Variants in XRCC4 observed in about 807,000 individuals in gnomAD.
XRCC4 encodes the protein X-ray repair cross complementing 4, also known as DNA repair protein XRCC4.
XRCC4 carries 28 observed loss-of-function variants against 39.1 expected under a neutral mutation model. The ratio of observed to expected loss-of-function variants is 0.72; its 90% confidence interval spans 0.53 to 0.98. XRCC4 has a LOEUF of 0.98. XRCC4 is among the 50% of genes least tolerant of loss of function. The pLI is 0.00. For synonymous variants in XRCC4, 123 were observed against 126.4 expected (o/e 0.97, Z 0.18); for missense variants, 350 against 376.4 (o/e 0.93, Z 0.58).
chr5:83,305,970 G>A (rs1755469069), intron 7 of XRCC4, among the ~76,000 whole-genome samples: 1 of 152,162 alleles, frequency 6.6e-6, no homozygotes, highest in South Asian at 2.1e-4. Flanking sequence ...GTTACATTTT[G>A]ATCTGCAGCT....
chr5:83,328,921 G>C (rs1360155706), intron 7 of XRCC4, among the ~76,000 whole-genome samples: 1 of 151,918 alleles, frequency 6.6e-6, no homozygotes, highest in East Asian at 1.9e-4. Flanking sequence ...TGACAATTGA[G>C]TTTTTTATTT....
intron 3 of XRCC4, among the ~76,000 whole-genome samples, chr5:83,141,021 C>T (rs6452527): frequency 0.48 from 73,646 of 152,022 alleles, 18,796 homozygotes; most frequent in African/African-American, 0.63. Context: ...TGAGTATGCA[C>T]ATTTTCTTAT....
intron 1 of XRCC4, among the ~76,000 whole-genome samples, chr5:83,091,923 T>C (rs1280657079): frequency 6.6e-6 from 1 of 152,228 alleles, no homozygotes; most frequent in Non-Finnish European, 1.5e-5. Flanking sequence ...TTTTAGTTTT[T>C]TGAGGATCCT....
At chr5:83,273,934 C>T (rs1362312468) in intron 7 of XRCC4, among the ~76,000 whole-genome samples, 1 of 151,752 alleles carries the variant, frequency 6.6e-6, no homozygotes, top group Non-Finnish European at 1.5e-5. Context: ...GCCGTTACAC[C>T]TTTTATTCCT....
intron 6 of XRCC4, among the ~76,000 whole-genome samples, chr5:83,226,459 T>C (rs1752295107): frequency 6.6e-6 from 1 of 152,086 alleles, no homozygotes; most frequent in Non-Finnish European, 1.5e-5. Context: ...AGTGCTTGTG[T>C]GCCCAAATAA....
chr5:83,297,424 A>G (rs2112990999), intron 7 of XRCC4, among the ~76,000 whole-genome samples: 1 of 152,066 alleles, frequency 6.6e-6, no homozygotes. Context: ...TTTGTTTAGT[A>G]TTTGCCACAT....
intron 3 of XRCC4, among the ~76,000 whole-genome samples, chr5:83,136,503 T>C (rs1747905416): frequency 6.6e-6 from 1 of 152,234 alleles, no homozygotes; most frequent in African/African-American, 2.4e-5. Flanking sequence ...GGGTTTTCTT[T>C]TGACTATCAT....
chr5:83,093,141 G>T (rs1405772079), intron 1 of XRCC4, among the ~76,000 whole-genome samples: 1 of 151,662 alleles, frequency 6.6e-6, no homozygotes, highest in Non-Finnish European at 1.5e-5. Context: ...CTACACAAAT[G>T]GTAACCAAAA....
At chr5:83,175,095 C>T (rs1342675178) in intron 3 of XRCC4, among the ~76,000 whole-genome samples, 6 of 152,154 alleles carry the variant, frequency 3.9e-5, no homozygotes, top group Non-Finnish European at 2.9e-5. Context: ...GAGTACACCT[C>T]ATATATTCCT....
chr5:83,312,330 A>G (rs1171968131), intron 7 of XRCC4, among the ~76,000 whole-genome samples: 3 of 152,196 alleles, frequency 2.0e-5, no homozygotes, highest in Non-Finnish European at 4.4e-5. Context: ...GAGCAGGTAA[A>G]TCCACAGAAT....
At chr5:83,178,484 A>G (rs1352416711) in intron 3 of XRCC4, among the ~76,000 whole-genome samples, 1 of 152,178 alleles carries the variant, frequency 6.6e-6, no homozygotes, top group African/African-American at 2.4e-5. Flanking sequence ...GACTGATCAA[A>G]TGCGATAGAT....
chr5:83,207,017 T>G (rs1751448132), intron 6 of XRCC4, among the ~76,000 whole-genome samples: 1 of 152,200 alleles, frequency 6.6e-6, no homozygotes, highest in South Asian at 2.1e-4. Flanking sequence ...CTTTTGCACT[T>G]GGGAATGAAA....
rs184548471 is a variant in XRCC4 at position 83,333,111 on chromosome 5, A to T, written c.894-20020A>T. On this transcript the variant is annotated intron_variant, in intron 7 of 7. Coordinates refer to ENST00000396027, the MANE Select transcript of XRCC4 (RefSeq NM_003401.5). ...ACTTTCAACAGAATTTTGAATATTGAACTTGAAAAAAAAAATACTTGGAGG... is the reference window on the plus strand; with the variant it reads ...ACTTTCAACAGAATTTTGAATATTGTACTTGAAAAAAAAAATACTTGGAGG... Among the ~76,000 whole-genome samples the T allele has an allele frequency of 3.3e-3, 499 of 152,072 alleles. 3 individuals are homozygous for T. Among genetic ancestry groups the T allele is most frequent in the Non-Finnish European group, 2.8e-3 (191 of 67,988 alleles).
intron 3 of XRCC4, among the ~76,000 whole-genome samples, chr5:83,117,371 A>G (rs369847520): frequency 2.6e-5 from 4 of 152,360 alleles, no homozygotes; most frequent in South Asian, 2.1e-4. Flanking sequence ...TGATTTTGCC[A>G]TACAGACTTT....
chr5:83,256,772 A>T (rs1484074981), intron 6 of XRCC4, among the ~76,000 whole-genome samples: 1 of 152,168 alleles, frequency 6.6e-6, no homozygotes, highest in East Asian at 1.9e-4. Flanking sequence ...TTCACTTAGT[A>T]TTTGATCAAA....
intron 6 of XRCC4, among the ~76,000 whole-genome samples, chr5:83,230,518 T>TAA (rs1752457856): frequency 1.3e-5 from 2 of 152,080 alleles, no homozygotes; most frequent in Non-Finnish European, 2.9e-5. Context: ...TATTTCTTTT[T>TAA]AAAATTTAAT....
At chr5:83,321,469 T>A (rs1364193238) in intron 7 of XRCC4, among the ~76,000 whole-genome samples, 1 of 152,198 alleles carries the variant, frequency 6.6e-6, no homozygotes, top group Admixed American at 6.6e-5. Context: ...CTCATGGAAA[T>A]ACTTGTGTAT....
At chr5:83,122,357 G>T (rs928090497) in intron 3 of XRCC4, among the ~76,000 whole-genome samples, 1 of 151,986 alleles carries the variant, frequency 6.6e-6, no homozygotes, top group Non-Finnish European at 1.5e-5. Flanking sequence ...CTCATCTAGG[G>T]TCACTTGGCA....
At chr5:83,118,299 C>CT (rs1333352463) in intron 3 of XRCC4, among the ~76,000 whole-genome samples, 106 of 143,808 alleles carry the variant, frequency 7.4e-4, no homozygotes, top group African/African-American at 9.6e-4. Context: ...GTTCCCTTGG[C>CT]TTTTTTTTTT....
Sources: allele counts gnomAD v4.1 joint callset (sites outside exome capture counted in the v4.1 genomes callset), GRCh38; gene constraint gnomAD v4.1.1; transcripts MANE v1.5; gene names NCBI Gene and HGNC (gene_info 2026-07-23, HGNC 2026-07-21).